Variants in FRMD4A observed in about 807,000 individuals in gnomAD.
FRMD4A encodes the protein FERM domain-containing protein 4A.
In FRMD4A, 29 loss-of-function variants were observed where a neutral mutation model predicts 129.1. The observed-to-expected ratio is 0.22, with a 90% CI of 0.17 to 0.31. The LOEUF (loss-of-function observed/expected upper bound fraction) is 0.31, where lower values mean the gene tolerates loss of function less well. Ranked by LOEUF, FRMD4A falls within the 10% of genes least tolerant of loss-of-function variation. The pLI is 1.00. For missense variants in FRMD4A, 1,272 were observed against 1,375.8 expected (o/e 0.92, Z 1.19); for synonymous variants, 634 against 571.6 (o/e 1.11, Z -1.56).
chr10:14,142,921 A>G (rs1839906598), intron 2 of FRMD4A, among the ~76,000 whole-genome samples: 1 of 152,212 alleles, frequency 6.6e-6, no homozygotes, highest in Admixed American at 6.5e-5. Flanking sequence ...AATCATTAGG[A>G]AAATACAAAT....
intron 2 of FRMD4A, among the ~76,000 whole-genome samples, chr10:14,080,592 A>G (rs1368708415): frequency 3.9e-5 from 6 of 152,110 alleles, no homozygotes; most frequent in Non-Finnish European, 8.8e-5. Context: ...GGTTTGCTGC[A>G]TCAGATGGCC....
At chr10:14,121,812 T>C (rs1838538240) in intron 2 of FRMD4A, among the ~76,000 whole-genome samples, 2 of 152,196 alleles carry the variant, frequency 1.3e-5, no homozygotes, top group African/African-American at 4.8e-5. Context: ...TCCGGCTGGC[T>C]TTGAACCTAG....
At chr10:14,100,574 T>A (rs951271125) in intron 2 of FRMD4A, among the ~76,000 whole-genome samples, 3 of 152,102 alleles carry the variant, frequency 2.0e-5, no homozygotes, top group Non-Finnish European at 4.4e-5. Context: ...CAGTCTAGGA[T>A]CTGGGATATT....
In FRMD4A at chr10:13,740,409, C is replaced by T. The variant is rs374172747; in HGVS notation, c.614+103G>A. On this transcript the variant is annotated intron_variant, in intron 10 of 24. Coordinates refer to ENST00000357447, the MANE Select transcript of FRMD4A (RefSeq NM_018027.5). ...AAATTAAATGGAAACATACACCCCC[C>T]ACTCCCAGATATGTCTTTGGAGAGG... 3.4e-5 allele frequency: 30 copies of T among 880,482 alleles called. No individual in the cohort carries two copies. In the East Asian group the frequency reaches 6.5e-4, roughly 19 times the overall value. 54.5% of individuals were successfully genotyped at this position (880,482 alleles called of 1,614,324 possible). A position where few individuals can be genotyped will look rare whatever the true frequency, so the allele number is the denominator to read the frequency against.
chr10:14,305,483 C>A (rs2132096323), intron 2 of FRMD4A, among the ~76,000 whole-genome samples: 1 of 152,206 alleles, frequency 6.6e-6, no homozygotes, highest in South Asian at 2.1e-4. Flanking sequence ...GTTCTCATGC[C>A]AAGGAAACAT....
At chr10:13,811,873 A>G (rs1007341938) in intron 3 of FRMD4A, among the ~76,000 whole-genome samples, 47 of 148,072 alleles carry the variant, frequency 3.2e-4, no homozygotes, top group Admixed American at 6.9e-5. Flanking sequence ...AAGTTATTTC[A>G]TTATCTGTTG....
intron 2 of FRMD4A, among the ~76,000 whole-genome samples, chr10:14,057,732 G>A (rs538384482): frequency 8.5e-5 from 13 of 152,220 alleles, no homozygotes; most frequent in African/African-American, 7.2e-5. Context: ...CACCCTGCCC[G>A]GCTAATTTTG....
intron 2 of FRMD4A, among the ~76,000 whole-genome samples, chr10:14,112,990 G>T (rs1227382500): frequency 1.3e-5 from 2 of 152,110 alleles, no homozygotes; most frequent in African/African-American, 4.8e-5. Flanking sequence ...CACTGAGAGG[G>T]CAGTCCTGAG....
chr10:14,070,126 A>C (rs1323237523), intron 2 of FRMD4A, among the ~76,000 whole-genome samples: 2 of 152,030 alleles, frequency 1.3e-5, no homozygotes, highest in African/African-American at 4.8e-5. Context: ...CTCTGTCCCC[A>C]CACTGTCATA....
chr10:14,164,578 C>T (rs1246823790), intron 2 of FRMD4A, among the ~76,000 whole-genome samples: 1 of 152,148 alleles, frequency 6.6e-6, no homozygotes, highest in Non-Finnish European at 1.5e-5. Flanking sequence ...AGCCTCTTCT[C>T]CTCCCTAGTC....
chr10:14,081,885 TCA>T (rs1276194182), intron 2 of FRMD4A, among the ~76,000 whole-genome samples: 2 of 152,236 alleles, frequency 1.3e-5, no homozygotes, highest in African/African-American at 4.8e-5. Flanking sequence ...ATTTAACACA[TCA>T]CTTTTATTAG....
rs558520628 is a variant in FRMD4A, at chr10:14,320,853, G to T, written c.45+9205C>A. ...CTGCTGAACTCCTTCCCACCCCGGG[G>T]CCATGGCCCAGGTTGGAATGCCCCA... On this transcript the variant is annotated intron_variant, in intron 2 of 24. Transcript: ENST00000357447. Among the ~76,000 whole-genome samples, 232 of 152,252 alleles carry T rather than the reference G, an allele frequency of 1.5e-3. 1 individual carries two copies. Among genetic ancestry groups the T allele is most frequent in the Non-Finnish European group, 2.5e-3 (171 of 68,008 alleles).
In FRMD4A at chr10:14,050,814, G is replaced by A. The variant is rs78151239; in HGVS notation, c.46-191902C>T. Among the ~76,000 whole-genome samples the A allele has an allele frequency of 8.5e-3, 1,288 of 152,314 alleles. 61 individuals carry two copies. In the East Asian group the frequency reaches 0.13, roughly 15 times the overall value. On this transcript the variant is annotated intron_variant, in intron 2 of 24. Coordinates refer to ENST00000357447, the MANE Select transcript of FRMD4A (RefSeq NM_018027.5). ...AGGGGGTGTACCCAGAAAGGGCCTA[G>A]CAGCTCCACGCCCTCCCGCATGCCC...
rs1209853042 is a variant in FRMD4A at position 13,704,831 on chromosome 10, G to A, written c.836+2206C>T. Among the ~76,000 whole-genome samples, 5 of 151,872 alleles carry A rather than the reference G, an allele frequency of 3.3e-5. No individual in the cohort carries two copies. The East Asian group carries it at 9.7e-4, about 29-fold the overall frequency. On this transcript the variant is annotated intron_variant, in intron 13 of 24. Transcript: ENST00000357447. ...CACGCCTGTAATCCCAGCACTTTGA[G>A]AGGCCAAGATGGGAGGATTGCTTGA...
intron 2 of FRMD4A, among the ~76,000 whole-genome samples, chr10:14,059,800 T>C (rs1431524244): frequency 1.3e-5 from 2 of 152,354 alleles, no homozygotes; most frequent in East Asian, 3.9e-4. Flanking sequence ...CTGACAATTG[T>C]TTGAAATCAA....
chr10:14,127,918 C>G (rs1024358203), intron 2 of FRMD4A, among the ~76,000 whole-genome samples: 6 of 2,984 alleles, frequency 2.0e-3, no homozygotes, highest in African/African-American at 0.015. Context: ...TTCTTTCTTT[C>G]TTTCTTTCTT....
In FRMD4A at chr10:13,651,923, G is replaced by C. The variant is rs747447063; in HGVS notation, c.3102C>G (p.His1034Gln). 6.9e-6 allele frequency: 11 copies of C among 1,585,320 alleles called. No individual in the cohort carries two copies. The highest frequency in any genetic ancestry group is 9.5e-6 in the Non-Finnish European group (11 of 1,153,678). The change falls in exon 24 of 25, where the codon CAC becomes CAG. Residue 1034 changes from histidine (H) to glutamine (Q), a missense_variant. Around this residue, in one of 2 missense-constraint regions of FRMD4A, gnomAD observed 972 missense variants for 892.3 expected, o/e 1.09. Transcript: ENST00000357447. ...GGTACCTCTATTCATCAGTACTTTGGTGAGGTGGAGACTCAGACCCATCCA... is the reference window on the plus strand; with the variant it reads ...GGTACCTCTATTCATCAGTACTTTGCTGAGGTGGAGACTCAGACCCATCCA... ...PILDGSESPP[H>Q]QSTDE
intron 2 of FRMD4A, among the ~76,000 whole-genome samples, chr10:14,088,779 C>G (rs1836452976): frequency 1.1e-5 from 1 of 90,516 alleles, no homozygotes. Context: ...GAGCAAGACT[C>G]TGTCTCAAAA....
chr10:13,875,045 C>G (rs2094475093), intron 2 of FRMD4A, among the ~76,000 whole-genome samples: 1 of 152,118 alleles, frequency 6.6e-6, no homozygotes, highest in Admixed American at 6.5e-5. Flanking sequence ...GGAGTGATAT[C>G]TGCAGAACAC....
Sources: gnomAD v4.1 joint callset for allele counts (sites outside exome capture counted in the v4.1 genomes callset) on GRCh38, gnomAD v4.1.1 for gene constraint, gnomAD v4.1.1 regional missense constraint, MANE v1.5 for transcripts, NCBI Gene and HGNC (gene_info 2026-07-23, HGNC 2026-07-21) for gene names.